The following BBS9 variants were observed in gnomAD, a reference collection of about 807,000 sequenced individuals.
The protein encoded by BBS9 is protein PTHB1.
Under a neutral mutation model 117.7 loss-of-function variants are expected in BBS9, and 89 were observed. That is an observed-to-expected ratio of 0.76 (90% confidence interval 0.64 to 0.90). The LOEUF is 0.90. Ranked by LOEUF, BBS9 falls within the 40% of genes least tolerant of loss-of-function variation. BBS9 has a pLI of 0.00. For missense variants in BBS9, 982 were observed against 1,042.2 expected (o/e 0.94, Z 0.80); for synonymous variants, 379 against 370.9 (o/e 1.02, Z -0.25).
intron 5 of BBS9, among the ~76,000 whole-genome samples, chr7:33,196,639 G>A (rs144819282): frequency 5.0e-4 from 76 of 152,304 alleles, no homozygotes; most frequent in African/African-American, 1.8e-3. Flanking sequence ...TCTCTGTGGT[G>A]TACTGGCTCC....
chr7:33,435,210 T>C (rs1467209242), intron 19 of BBS9, among the ~76,000 whole-genome samples: 1 of 152,150 alleles, frequency 6.6e-6, no homozygotes, highest in African/African-American at 2.4e-5. Flanking sequence ...TTACTGATGG[T>C]AAAAGGGAGG....
chr7:33,309,509 G>T (rs1308948277), intron 9 of BBS9, among the ~76,000 whole-genome samples: 1 of 152,174 alleles, frequency 6.6e-6, no homozygotes, highest in Non-Finnish European at 1.5e-5. Flanking sequence ...TTATATAGGG[G>T]CATGAAGCAG....
chr7:33,310,906 G>T (rs772728176), intron 9 of BBS9, among the ~76,000 whole-genome samples: 8 of 152,168 alleles, frequency 5.3e-5, no homozygotes, highest in Non-Finnish European at 1.0e-4. Context: ...AAGCAGTCAT[G>T]GTCACTGAAT....
intron 9 of BBS9, among the ~76,000 whole-genome samples, chr7:33,275,851 T>G (rs568794686): frequency 6.6e-6 from 1 of 152,282 alleles, no homozygotes; most frequent in South Asian, 2.1e-4. Context: ...TAGGTGCAAC[T>G]TATGAGTTAA....
At chr7:33,302,870 A>G (rs1806787480) in intron 9 of BBS9, among the ~76,000 whole-genome samples, 1 of 152,190 alleles carries the variant, frequency 6.6e-6, no homozygotes, top group South Asian at 2.1e-4. Context: ...TGCTTTGGGT[A>G]GTATGGACAT....
At chr7:33,456,059 G>T (rs1306136003) in intron 19 of BBS9, among the ~76,000 whole-genome samples, 1 of 152,166 alleles carries the variant, frequency 6.6e-6, no homozygotes, top group Non-Finnish European at 1.5e-5. Flanking sequence ...CACACATAAA[G>T]CCCATCAGCC....
chr7:33,152,977 G>C, intron 3 of BBS9, 126 bp downstream of exon 3: 1 of 1,105,698 alleles, frequency 9.0e-7, no homozygotes, highest in Non-Finnish European at 1.3e-6. Context: ...TTGTCACCTA[G>C]GGGTTTCTCA....
intron 19 of BBS9, among the ~76,000 whole-genome samples, chr7:33,478,522 A>C (rs1842096417): frequency 6.6e-6 from 1 of 152,196 alleles, no homozygotes; most frequent in Admixed American, 6.5e-5. Flanking sequence ...AACTAACTGA[A>C]AAAAGTAGGC....
At chr7:33,230,764 G>C (rs561675386) in intron 5 of BBS9, among the ~76,000 whole-genome samples, 5 of 152,170 alleles carry the variant, frequency 3.3e-5, no homozygotes, top group African/African-American at 1.2e-4. Flanking sequence ...TGTTCTTTAT[G>C]ACTGAGTAGT....
intron 5 of BBS9, among the ~76,000 whole-genome samples, chr7:33,228,589 C>T (rs1237955258): frequency 6.6e-6 from 1 of 152,036 alleles, no homozygotes; most frequent in Non-Finnish European, 1.5e-5. Flanking sequence ...TATTATTAGC[C>T]TACTGTTGCC....
At chr7:33,517,642 A>G (rs138064326) in intron 20 of BBS9, among the ~76,000 whole-genome samples, 99 of 152,266 alleles carry the variant, frequency 6.5e-4, no homozygotes, top group African/African-American at 2.2e-3. Context: ...TCTGCTCTCA[A>G]GTCAACTACT....
intron 19 of BBS9, among the ~76,000 whole-genome samples, chr7:33,414,696 A>G (rs964744981): frequency 6.6e-6 from 1 of 152,230 alleles, no homozygotes; most frequent in Non-Finnish European, 1.5e-5. Context: ...AGTATTGAAT[A>G]ATTTGATTGT....
chr7:33,313,768 C>A (rs1809840126), intron 9 of BBS9, among the ~76,000 whole-genome samples: 1 of 152,138 alleles, frequency 6.6e-6, no homozygotes, highest in South Asian at 2.1e-4. Context: ...ATTAAGTAAT[C>A]CAGCTCTTGA....
rs146241378 is a variant in BBS9, at chr7:33,455,033, G to A, written c.2116-50430G>A. On this transcript the variant is annotated intron_variant, in intron 19 of 22. Coordinates refer to ENST00000242067, the MANE Select transcript of BBS9 (RefSeq NM_198428.3). Reference sequence around the variant, plus strand: ...TTCATTTTTCTTTTGTAAAGGAGGAGCAATCCCAGTTATATCCAGTTTATC... The same window carrying A: ...TTCATTTTTCTTTTGTAAAGGAGGAACAATCCCAGTTATATCCAGTTTATC... Among the ~76,000 whole-genome samples, 11 of 152,336 alleles carry A rather than the reference G, an allele frequency of 7.2e-5. No homozygotes were observed. The East Asian group carries it at 1.9e-3, about 27-fold the overall frequency.
chr7:33,133,933 G>T (rs71532562), intron 1 of BBS9, among the ~76,000 whole-genome samples: 24,018 of 152,168 alleles, frequency 0.16, 2,080 homozygotes, highest in South Asian at 0.21. Flanking sequence ...GTATATGAGG[G>T]CTCTGATTTC....
At chr7:33,613,778 T>A (rs1252019700) in intron 21 of BBS9, among the ~76,000 whole-genome samples, 4 of 151,976 alleles carry the variant, frequency 2.6e-5, no homozygotes, top group African/African-American at 9.7e-5. Flanking sequence ...ATAGGTGACC[T>A]GGGCAAGAAG....
intron 19 of BBS9, among the ~76,000 whole-genome samples, chr7:33,416,126 G>A (rs999718535): frequency 1.3e-5 from 2 of 152,104 alleles, no homozygotes; most frequent in Admixed American, 6.5e-5. Flanking sequence ...GAGCCACCAT[G>A]GCTGGCTTCA....
At position 33,430,318 on chromosome 7, in the gene BBS9, GGAC is replaced by G. The variant is rs1834250883; in HGVS notation, c.2115+42175_2115+42177del. ...CAAAAAGAAGATCCCAGACTTCATA[GGAC>G]TTAGGTTCTACTAAACATTTTTCTT... On this transcript the variant is annotated intron_variant, in intron 19 of 22. Transcript: ENST00000242067. Among the ~76,000 whole-genome samples, 5 of 152,120 alleles carry G rather than the reference GGAC, an allele frequency of 3.3e-5. No individual in the cohort carries two copies. The South Asian group carries it at 1.0e-3, about 32-fold the overall frequency.
chr7:33,273,425 C>T (rs908078160), intron 8 of BBS9, among the ~76,000 whole-genome samples: 10 of 152,128 alleles, frequency 6.6e-5, no homozygotes, highest in South Asian at 2.1e-4. Flanking sequence ...AATTGGCCTC[C>T]GGCATACATT....
Sources: gnomAD v4.1 joint callset for allele counts (sites outside exome capture counted in the v4.1 genomes callset) on GRCh38, gnomAD v4.1.1 for gene constraint, MANE v1.5 for transcripts, NCBI Gene and HGNC (gene_info 2026-07-23, HGNC 2026-07-21) for gene names.